The following GBE1 variants were observed in gnomAD, a reference collection of about 807,000 sequenced individuals.
GBE1 encodes the protein 1,4-alpha-glucan-branching enzyme.
GBE1 carries 70 observed loss-of-function variants against 88.8 expected under a neutral mutation model. The observed-to-expected ratio is 0.79, with a 90% confidence interval of 0.65 to 0.96. The LOEUF (loss-of-function observed/expected upper bound fraction) is 0.96. Ranked by LOEUF, GBE1 falls within the 40% of genes least tolerant of loss-of-function variation. The pLI is 0.00. For synonymous variants in GBE1, 284 were observed against 300.1 expected (o/e 0.95, Z 0.56); for missense variants, 872 against 871.0 (o/e 1.00, Z -0.01).
chr3:81,612,906 G>A, intron 7 of GBE1: 1 of 391,008 alleles, frequency 2.6e-6, no homozygotes, highest in East Asian at 6.5e-5. Context: ...CTTGGTTCCT[G>A]ATATGGATGA....
chr3:81,547,146 T>A (rs993180401), intron 12 of GBE1, among the ~76,000 whole-genome samples: 2 of 151,386 alleles, frequency 1.3e-5, no homozygotes, highest in African/African-American at 4.8e-5. Flanking sequence ...AGAGTGGGAT[T>A]GCATTAGACG....
chr3:81,738,947 G>A (rs1440521341), intron 1 of GBE1, among the ~76,000 whole-genome samples: 1 of 152,172 alleles, frequency 6.6e-6, no homozygotes, highest in Non-Finnish European at 1.5e-5. Context: ...AAGCTGGTTA[G>A]TCCAAGATCA....
At chr3:81,679,082 GA>G (rs1481414821) in intron 2 of GBE1, among the ~76,000 whole-genome samples, 1 of 152,076 alleles carries the variant, frequency 6.6e-6, no homozygotes, top group Non-Finnish European at 1.5e-5. Context: ...GCTAAATATT[GA>G]TAAGTGTCAA....
chr3:81,655,513 ATTGTTGTTG>A (rs60326449), intron 3 of GBE1, among the ~76,000 whole-genome samples: 2 of 151,550 alleles, frequency 1.3e-5, no homozygotes, highest in African/African-American at 4.9e-5. Flanking sequence ...TGTTTTTGTT[ATTGTTGTTG>A]TTGTTGTTGT....
chr3:81,534,960 C>G (rs1190336535), intron 14 of GBE1: 3 of 389,154 alleles, frequency 7.7e-6, no homozygotes, highest in East Asian at 6.0e-5. Flanking sequence ...TTGATGTGAA[C>G]CACGTCTGCA....
chr3:81,598,188 A>G (rs1703984815), intron 7 of GBE1, among the ~76,000 whole-genome samples: 1 of 152,004 alleles, frequency 6.6e-6, no homozygotes, highest in Non-Finnish European at 1.5e-5. Flanking sequence ...CTAATATTGT[A>G]TATTAATAAA....
chr3:81,521,007 A>G (rs1200665826), intron 14 of GBE1, among the ~76,000 whole-genome samples: 1 of 151,528 alleles, frequency 6.6e-6, no homozygotes, highest in Admixed American at 6.6e-5. Context: ...CTTATTTTGA[A>G]GAGATAGTTA....
intron 3 of GBE1, among the ~76,000 whole-genome samples, chr3:81,653,973 C>T (rs1045638791): frequency 1.3e-5 from 2 of 152,056 alleles, no homozygotes; most frequent in African/African-American, 4.8e-5. Context: ...GCAGAGTGTG[C>T]TACTTAAGGT....
chr3:81,623,192 G>GTCTCCTGAAA (rs1223033349), intron 7 of GBE1, among the ~76,000 whole-genome samples: 26 of 152,302 alleles, frequency 1.7e-4, no homozygotes, highest in African/African-American at 5.3e-4. Flanking sequence ...ACTCTCTGGA[G>GTCTCCTGAAA]TCTCCTGAAA....
At chr3:81,660,685 G>A (rs1329963490) in intron 3 of GBE1, among the ~76,000 whole-genome samples, 1 of 148,490 alleles carries the variant, frequency 6.7e-6, no homozygotes, top group Non-Finnish European at 1.5e-5. Context: ...ATATTAGGAT[G>A]GATAAAGATG....
rs1283617436 is a variant in GBE1, at chr3:81,582,268, A to G, written c.1336-993T>C. On this transcript the variant is annotated intron_variant, in intron 10 of 15. Coordinates refer to ENST00000429644, the MANE Select transcript of GBE1 (RefSeq NM_000158.4). ...GATGTTCACAACCTAATCCACGAGCATCTTTCTAAAAAGCAGGCATGAGTG... is the reference window on the plus strand; with the variant it reads ...GATGTTCACAACCTAATCCACGAGCGTCTTTCTAAAAAGCAGGCATGAGTG... Among the ~76,000 whole-genome samples the G allele has an allele frequency of 3.3e-5, 5 of 152,264 alleles. No individual in the cohort carries two copies. The South Asian group carries it at 1.0e-3, about 32-fold the overall frequency.
intron 2 of GBE1, among the ~76,000 whole-genome samples, chr3:81,700,245 C>G (rs995177787): frequency 1.3e-5 from 2 of 152,148 alleles, no homozygotes; most frequent in African/African-American, 4.8e-5. Context: ...GATGAAGAAA[C>G]AGAATCCAAA....
At chr3:81,528,231 G>A (rs572635877) in intron 14 of GBE1, among the ~76,000 whole-genome samples, 2 of 139,884 alleles carry the variant, frequency 1.4e-5, no homozygotes, top group Admixed American at 1.4e-4. Flanking sequence ...GTGGGAGGAG[G>A]GGGGAGGGGG....
chr3:81,609,595 T>G (rs555074117), intron 7 of GBE1, among the ~76,000 whole-genome samples: 131 of 152,152 alleles, frequency 8.6e-4, no homozygotes, highest in Non-Finnish European at 1.6e-3. Context: ...GCTTTTTTGC[T>G]TTCTTTTGTT....
intron 14 of GBE1, among the ~76,000 whole-genome samples, chr3:81,513,105 G>C (rs1298783392): frequency 6.6e-6 from 1 of 151,592 alleles, no homozygotes; most frequent in African/African-American, 2.4e-5. Context: ...CATAGGTCAA[G>C]GTGGGGAGAA....
intron 7 of GBE1, among the ~76,000 whole-genome samples, chr3:81,613,418 T>G (rs1704208094): frequency 6.6e-6 from 1 of 152,152 alleles, no homozygotes; most frequent in African/African-American, 2.4e-5. Flanking sequence ...TGTGTAGTAG[T>G]GCATACAATT....
intron 7 of GBE1, among the ~76,000 whole-genome samples, chr3:81,602,246 A>G (rs1388096875): frequency 2.0e-5 from 3 of 152,150 alleles, no homozygotes; most frequent in Non-Finnish European, 4.4e-5. Context: ...GCACAGCAGG[A>G]ATATATTTTT....
intron 1 of GBE1, among the ~76,000 whole-genome samples, chr3:81,731,140 G>T (rs766590435): frequency 2.6e-4 from 40 of 152,054 alleles, no homozygotes; most frequent in Non-Finnish European, 4.0e-4. Context: ...TTTCTGCCCT[G>T]GGAACCCAAC....
intron 2 of GBE1, among the ~76,000 whole-genome samples, chr3:81,672,763 G>C (rs1576194260): frequency 1.3e-5 from 2 of 151,844 alleles, no homozygotes; most frequent in South Asian, 4.2e-4. Flanking sequence ...ATATTTCATG[G>C]CATTAACAAA....
Sources: gnomAD v4.1 joint callset for allele counts (sites outside exome capture counted in the v4.1 genomes callset) on GRCh38, gnomAD v4.1.1 for gene constraint, MANE v1.5 for transcripts, NCBI Gene and HGNC (gene_info 2026-07-23, HGNC 2026-07-21) for gene names.